Variants in UTRN observed in about 807,000 individuals in gnomAD.
UTRN encodes dystrophin-related protein 1.
UTRN carries 283 observed loss-of-function variants against 463.9 expected under a neutral mutation model. The observed-to-expected ratio is 0.61, with a 90% CI of 0.55 to 0.67. The LOEUF is 0.67. Ranked by LOEUF, UTRN falls within the 30% of genes least tolerant of loss-of-function variation. UTRN has a pLI of 0.00. For synonymous variants in UTRN, 1,442 were observed against 1,431.5 expected (o/e 1.01, Z -0.17); for missense variants, 3,922 against 4,084.3 (o/e 0.96, Z 1.08).
chr6:144,605,961 G>A (rs944833374), intron 51 of UTRN, among the ~76,000 whole-genome samples: 4 of 151,956 alleles, frequency 2.6e-5, no homozygotes, highest in Non-Finnish European at 5.9e-5. Flanking sequence ...TGGCATTTAT[G>A]TCCATACTGC....
chr6:144,607,430 A>G (rs933302663), intron 51 of UTRN, among the ~76,000 whole-genome samples: 5 of 152,206 alleles, frequency 3.3e-5, no homozygotes, highest in African/African-American at 7.2e-5. Flanking sequence ...TCTCATGTCA[A>G]TATTTTCTAA....
intron 51 of UTRN, among the ~76,000 whole-genome samples, chr6:144,617,471 T>C (rs1806256061): frequency 6.6e-6 from 1 of 152,222 alleles, no homozygotes; most frequent in Non-Finnish European, 1.5e-5. Flanking sequence ...CTTGGCAGCT[T>C]CAGCAAGTTA....
At chr6:144,611,291 C>T (rs1805496663) in intron 51 of UTRN, among the ~76,000 whole-genome samples, 1 of 152,172 alleles carries the variant, frequency 6.6e-6, no homozygotes, top group Non-Finnish European at 1.5e-5. Context: ...AAAGCTTTTC[C>T]TCTAAGATCA....
intron 2 of UTRN, among the ~76,000 whole-genome samples, chr6:144,379,091 T>A (rs981298700): frequency 6.6e-6 from 1 of 152,186 alleles, no homozygotes; most frequent in African/African-American, 2.4e-5. Context: ...TTGAAATGAG[T>A]CTGTGAGCTA....
intron 66 of UTRN, among the ~76,000 whole-genome samples, chr6:144,826,465 C>T (rs1430747082): frequency 1.3e-5 from 2 of 151,998 alleles, no homozygotes; most frequent in Admixed American, 1.3e-4. Flanking sequence ...TGTAAATGTT[C>T]TACATTCATT....
chr6:144,507,377 G>T (rs557083889), intron 34 of UTRN, among the ~76,000 whole-genome samples: 1 of 151,980 alleles, frequency 6.6e-6, no homozygotes, highest in Admixed American at 6.6e-5. Context: ...GCATTTTTGC[G>T]CTGGTTTTTC....
At chr6:144,401,462 A>G (rs977793530) in intron 2 of UTRN, among the ~76,000 whole-genome samples, 2 of 152,204 alleles carry the variant, frequency 1.3e-5, no homozygotes, top group African/African-American at 4.8e-5. Flanking sequence ...TCTCTTGGTT[A>G]ATAAATGGCT....
chr6:144,549,876 C>A (rs1798748378), intron 47 of UTRN, among the ~76,000 whole-genome samples: 1 of 152,216 alleles, frequency 6.6e-6, no homozygotes, highest in Non-Finnish European at 1.5e-5. Flanking sequence ...AGCCTGCAGG[C>A]TGTGCAAAGC....
intron 8 of UTRN, among the ~76,000 whole-genome samples, chr6:144,429,285 T>C (rs755012151): frequency 1.5e-4 from 23 of 152,332 alleles, no homozygotes; most frequent in Middle Eastern, 3.4e-3. Context: ...CTTATTTTCA[T>C]AGTATGAATA....
At chr6:144,348,248 C>T (rs1355516444) in intron 2 of UTRN, among the ~76,000 whole-genome samples, 1 of 152,128 alleles carries the variant, frequency 6.6e-6, no homozygotes, top group Non-Finnish European at 1.5e-5. Flanking sequence ...ACCTAGCACA[C>T]GCCCAGCTCT....
chr6:144,437,531 G>T, intron 10 of UTRN, 34 bp from the exon 11 acceptor site: 1 of 1,535,048 alleles, frequency 6.5e-7, no homozygotes, highest in Non-Finnish European at 8.7e-7. Context: ...TTTGCACTGA[G>T]TAGCTCACAA....
intron 51 of UTRN, among the ~76,000 whole-genome samples, chr6:144,609,468 G>A (rs921470747): frequency 2.0e-5 from 3 of 152,160 alleles, no homozygotes; most frequent in Non-Finnish European, 2.9e-5. Context: ...GAAGGGATAC[G>A]TAGACTGCAG....
chr6:144,584,833 T>C (rs1297600567), intron 51 of UTRN, among the ~76,000 whole-genome samples: 4 of 151,918 alleles, frequency 2.6e-5, no homozygotes, highest in Admixed American at 2.0e-4. Context: ...GTTATTTCAA[T>C]GTGTTGTGTT....
intron 2 of UTRN, among the ~76,000 whole-genome samples, chr6:144,386,225 G>A (rs1781406104): frequency 6.6e-6 from 1 of 152,280 alleles, no homozygotes; most frequent in South Asian, 2.1e-4. Flanking sequence ...ACTTTGTGTG[G>A]TGTAGGCGGG....
chr6:144,322,053 C>T (rs888165927), intron 2 of UTRN, among the ~76,000 whole-genome samples: 8 of 152,168 alleles, frequency 5.3e-5, no homozygotes, highest in African/African-American at 1.4e-4. Flanking sequence ...CGTGAGCACC[C>T]GGCTGCCCAT....
Position 144,554,833 on chromosome 6 carries a change from A to T in UTRN, c.7074A>T (p.Arg2358=). ...AACTGATGAGAAAATATGAGGCTCGACTCTATATTCTTCAGCAAGCCCGAC... is the reference window on the plus strand; with the variant it reads ...AACTGATGAGAAAATATGAGGCTCGTCTCTATATTCTTCAGCAAGCCCGAC... ...TEELMRKYEA[R]LYILQQARRD... The change falls in exon 49 of 75, where the codon CGA becomes CGT. Residue 2358 remains arginine, a synonymous_variant. Transcript: ENST00000367545. 1 of 1,613,790 alleles carries T rather than the reference A, an allele frequency of 6.2e-7. No individual in the cohort carries two copies. The highest frequency in any genetic ancestry group is 8.5e-7 in the Non-Finnish European group (1 of 1,179,914).
At chr6:144,326,286 G>C (rs1289287397) in intron 2 of UTRN, among the ~76,000 whole-genome samples, 1 of 151,712 alleles carries the variant, frequency 6.6e-6, no homozygotes, top group Non-Finnish European at 1.5e-5. Context: ...ATAAAGCTCT[G>C]TGAATAACAT....
intron 50 of UTRN, among the ~76,000 whole-genome samples, chr6:144,563,400 C>T (rs1488244452): frequency 6.6e-6 from 1 of 152,028 alleles, no homozygotes; most frequent in Admixed American, 6.6e-5. Flanking sequence ...TTGGTCAATT[C>T]CTTTTAACAG....
Position 144,429,690 on chromosome 6 carries a change from A to G in UTRN, c.804A>G (p.Thr268=), listed in dbSNP as rs2114867749. Residue 268 remains threonine, a synonymous_variant, in exon 9 of 75, where the codon ACA becomes ACG. Transcript: ENST00000367545. Reference sequence around the variant, plus strand: ...TAGACGCCATCCGTGAGGTAGAGACACTCCCAAGGAAATATAAAAAAGAAT... The same window carrying G: ...TAGACGCCATCCGTGAGGTAGAGACGCTCCCAAGGAAATATAAAAAAGAAT... ...VTIDAIREVE[T]LPRKYKKECE... is the part of the protein sequence containing the mutation. The G allele has an allele frequency of 3.1e-6, 5 of 1,612,694 alleles. No homozygotes were observed. Among genetic ancestry groups the G allele is most frequent in the Non-Finnish European group, 3.4e-6 (4 of 1,179,436 alleles).
Sources: allele counts gnomAD v4.1 joint callset (sites outside exome capture counted in the v4.1 genomes callset), GRCh38; gene constraint gnomAD v4.1.1; transcripts MANE v1.5; gene names NCBI Gene and HGNC (gene_info 2026-07-23, HGNC 2026-07-21).